SCTR: variants seen among roughly 807,000 people sequenced by gnomAD.
SCTR encodes secretin receptor.
SCTR carries 56 observed loss-of-function variants against 60.8 expected under a neutral mutation model. The observed-to-expected ratio is 0.92, with a 90% confidence interval of 0.74 to 1.15. The LOEUF (loss-of-function observed/expected upper bound fraction) is 1.15, where lower values mean the gene tolerates loss of function less well. SCTR is among the 50% of genes most tolerant of loss of function. The pLI is 0.00. For missense variants in SCTR, 562 were observed against 550.4 expected, an observed-to-expected ratio of 1.02 and a Z score of -0.21; for synonymous variants, 202 against 217.0, an observed-to-expected ratio of 0.93 and a Z score of 0.61.
intron 3 of SCTR, chr2:119,477,057 T>G (rs2579660): frequency 6.6e-6 from 1 of 152,166 alleles, no homozygotes; most frequent in Non-Finnish European, 1.5e-5. Context: ...GGGACAAAAT[T>G]TATTTCCAAG....
At chr2:119,446,244 T>C (rs1682920166) in intron 11 of SCTR, among the ~76,000 whole-genome samples, 1 of 152,144 alleles carries the variant, frequency 6.6e-6, no homozygotes, top group Non-Finnish European at 1.5e-5. Flanking sequence ...CACTTCCTTT[T>C]CCTCACATGC....
At chr2:119,479,339 C>T in intron 2 of SCTR, 1 of 960,826 alleles carries the variant, frequency 1.0e-6, no homozygotes, top group Non-Finnish European at 1.2e-6. Flanking sequence ...AGAAATAGAC[C>T]TAGCCGGCGT....
Position 119,494,388 on chromosome 2 carries a change from C to T in SCTR, c.193+40G>A, listed in dbSNP as rs368779375. ...CTGCCCAGCAGGACCGGACATGCTC[C>T]ACCCCCAAGAGAGGACATGGGCTGT... On this transcript the variant is annotated intron_variant, in intron 2 of 12. Transcript: ENST00000019103. The T allele has an allele frequency of 1.7e-4, 265 of 1,603,578 alleles. 1 individual carries two copies. The Middle Eastern group carries it at 9.0e-3, about 54-fold the overall frequency.
intron 4 of SCTR, among the ~76,000 whole-genome samples, chr2:119,468,923 T>A (rs1683947851): frequency 6.6e-6 from 1 of 152,100 alleles, no homozygotes; most frequent in African/African-American, 2.4e-5. Flanking sequence ...CCAGACCTCA[T>A]GTGTGAGCTC....
chr2:119,444,348 TAC>T (rs1682798306), intron 11 of SCTR, among the ~76,000 whole-genome samples: 1 of 148,382 alleles, frequency 6.7e-6, no homozygotes, highest in Non-Finnish European at 1.5e-5. Context: ...TACACATATA[TAC>T]GTATGAATAT....
intron 3 of SCTR, among the ~76,000 whole-genome samples, chr2:119,473,931 C>T (rs1677145377): frequency 6.6e-6 from 1 of 152,198 alleles, no homozygotes; most frequent in Non-Finnish European, 1.5e-5. Context: ...CCCATTTTTA[C>T]TCATCCTGCT....
chr2:119,519,787 C>G (rs974379128), intron 1 of SCTR, among the ~76,000 whole-genome samples: 2 of 110,618 alleles, frequency 1.8e-5, no homozygotes, highest in African/African-American at 7.2e-5. Context: ...GCCTAGGTGA[C>G]AGAGTGAGAT....
At chr2:119,462,114 C>A in intron 6 of SCTR, 114 bp from the exon 7 acceptor site, 1 of 1,026,692 alleles carries the variant, frequency 9.7e-7, no homozygotes, top group Non-Finnish European at 1.4e-6. Context: ...GCCACAAGAG[C>A]GGGCCTCTGG....
intron 2 of SCTR, among the ~76,000 whole-genome samples, chr2:119,492,610 G>A (rs1678173287): frequency 6.6e-6 from 1 of 152,076 alleles, no homozygotes; most frequent in African/African-American, 2.4e-5. Context: ...TAGTGGTTTA[G>A]TACCTTCATA....
At chr2:119,508,180 G>A (rs189166257) in intron 1 of SCTR, among the ~76,000 whole-genome samples, 39 of 152,172 alleles carry the variant, frequency 2.6e-4, no homozygotes, top group African/African-American at 8.7e-4. Context: ...GGAAAGGGAC[G>A]TGCCTCCCTC....
intron 6 of SCTR, 141 bp downstream of exon 6, chr2:119,463,982 C>T (rs974184937): frequency 2.2e-5 from 19 of 851,338 alleles, no homozygotes; most frequent in Non-Finnish European, 3.5e-5. Context: ...CCAGTGTCAG[C>T]ACTGGCTGCT....
At chr2:119,473,700 AC>A in intron 3 of SCTR, 144 bp from the exon 4 acceptor site, 1 of 645,232 alleles carries the variant, frequency 1.5e-6, no homozygotes, top group South Asian at 1.9e-5. Flanking sequence ...CTTGCCCAAG[AC>A]CACACCCTAG....
At chr2:119,494,286 C>G (rs1678261135) in intron 2 of SCTR, 142 bp downstream of exon 2, 2 of 881,098 alleles carry the variant, frequency 2.3e-6, no homozygotes, top group Non-Finnish European at 3.4e-6. Context: ...TCCAGCCCTG[C>G]CCCACCAGCT....
chr2:119,467,912 T>G (rs775490263), intron 4 of SCTR, among the ~76,000 whole-genome samples: 1 of 152,206 alleles, frequency 6.6e-6, no homozygotes, highest in Non-Finnish European at 1.5e-5. Context: ...GGGAATTATA[T>G]GAAAACTGAT....
intron 1 of SCTR, among the ~76,000 whole-genome samples, chr2:119,517,464 AT>A (rs1679151009): frequency 6.6e-6 from 1 of 152,178 alleles, no homozygotes; most frequent in African/African-American, 2.4e-5. Context: ...TTAGTCTACA[AT>A]TTTTATTTTT....
intron 4 of SCTR, among the ~76,000 whole-genome samples, chr2:119,467,899 T>C (rs1683904313): frequency 6.6e-6 from 1 of 152,208 alleles, no homozygotes; most frequent in African/African-American, 2.4e-5. Flanking sequence ...TAAAAACATA[T>C]TAGGGAATTA....
intron 1 of SCTR, among the ~76,000 whole-genome samples, chr2:119,516,832 G>T (rs945458505): frequency 3.3e-5 from 5 of 152,164 alleles, no homozygotes; most frequent in Admixed American, 6.5e-5. Flanking sequence ...GGTGGCGCAT[G>T]CCTCTAATCC....
At chr2:119,504,603 T>C (rs1558878117) in intron 1 of SCTR, among the ~76,000 whole-genome samples, 2 of 151,108 alleles carry the variant, frequency 1.3e-5, no homozygotes, top group South Asian at 2.1e-4. Context: ...AAAATAAAAA[T>C]TAAAAATAAA....
chr2:119,474,864 A>G (rs1321678396), intron 3 of SCTR, among the ~76,000 whole-genome samples: 1 of 152,182 alleles, frequency 6.6e-6, no homozygotes, highest in African/African-American at 2.4e-5. Flanking sequence ...GTGTCCTCTG[A>G]GATCTGGGCA....
Sources: gnomAD v4.1 joint callset for allele counts (sites outside exome capture counted in the v4.1 genomes callset) on GRCh38, gnomAD v4.1.1 for gene constraint, MANE v1.5 for transcripts, NCBI Gene and HGNC (gene_info 2026-07-23, HGNC 2026-07-21) for gene names.